GALNTL6: variants seen among roughly 807,000 people sequenced by gnomAD.
The protein encoded by GALNTL6 is polypeptide N-acetylgalactosaminyltransferase like 6.
A neutral mutation model predicts 73.7 loss-of-function variants in GALNTL6; 46 were observed. The ratio of observed to expected loss-of-function variants is 0.62; its 90% CI spans 0.49 to 0.80. The LOEUF (loss-of-function observed/expected upper bound fraction) is 0.80. Ranked by LOEUF, GALNTL6 falls within the 30% of genes least tolerant of loss-of-function variation. The probability of loss-of-function intolerance (pLI) is 0.00; values close to 1 mark genes in which losing one functional copy is unlikely to be tolerated. For synonymous variants in GALNTL6, 259 were observed against 263.7 expected, an observed-to-expected ratio of 0.98 and a Z score of 0.17; for missense variants, 604 against 755.0, an observed-to-expected ratio of 0.80 and a Z score of 2.34.
At chr4:172,861,283 T>G (rs915727107) in intron 7 of GALNTL6, among the ~76,000 whole-genome samples, 7 of 151,720 alleles carry the variant, frequency 4.6e-5, no homozygotes, top group African/African-American at 1.7e-4. Context: ...AAAACTTTGC[T>G]GTGTAAGGGT....
chr4:172,183,794 C>CTTT (rs33972396), intron 2 of GALNTL6, among the ~76,000 whole-genome samples: 24 of 134,624 alleles, frequency 1.8e-4, no homozygotes, highest in South Asian at 9.6e-4. Flanking sequence ...CTGTTGAAGA[C>CTTT]TTTTTTTTTT....
intron 2 of GALNTL6, among the ~76,000 whole-genome samples, chr4:171,969,141 T>C (rs1739486844): frequency 6.6e-6 from 1 of 152,108 alleles, no homozygotes; most frequent in African/African-American, 2.4e-5. Flanking sequence ...GGCCTATCCC[T>C]TGTTCTTAAA....
rs1170038404 is a variant in GALNTL6, at chr4:172,348,550, G to A, written c.414G>A (p.Arg138=). The A allele has an allele frequency of 2.5e-6, 4 of 1,612,624 alleles. No individual in the cohort carries two copies. The highest frequency in any genetic ancestry group is 3.3e-4 in the Middle Eastern group (2 of 6,052). Residue 138 remains arginine, a synonymous_variant, in exon 5 of 13, where the codon AGG becomes AGA. Transcript: ENST00000506823. ...GTAAGCATAAGATGTATCTGGAAAG[G>A]CTGCCAAACACCAGCATCATTATCC... ...ANCKHKMYLE[R]LPNTSIIIPF...
intron 4 of GALNTL6, among the ~76,000 whole-genome samples, chr4:172,343,136 CA>C (rs1467741832): frequency 6.6e-6 from 1 of 151,876 alleles, no homozygotes; most frequent in Non-Finnish European, 1.5e-5. Flanking sequence ...ATAAGTAAAA[CA>C]AAAAACAAAC....
At chr4:171,966,807 G>A (rs564935282) in intron 2 of GALNTL6, among the ~76,000 whole-genome samples, 232 of 152,082 alleles carry the variant, frequency 1.5e-3, no homozygotes, top group African/African-American at 5.2e-3. Context: ...TCCAGCAGTC[G>A]TCACCTCACT....
chr4:172,141,173 G>A (rs115454533), intron 2 of GALNTL6, among the ~76,000 whole-genome samples: 4,301 of 152,096 alleles, frequency 0.028, 185 homozygotes, highest in African/African-American at 0.096. Flanking sequence ...CCTAGAGAGA[G>A]AGCAGAAAAG....
At chr4:172,847,391 A>G (rs914096959) in intron 7 of GALNTL6, among the ~76,000 whole-genome samples, 3 of 152,128 alleles carry the variant, frequency 2.0e-5, no homozygotes, top group African/African-American at 7.2e-5. Flanking sequence ...CCACCCAGGT[A>G]GACAAAGTTA....
At chr4:172,712,851 G>A (rs998617991) in intron 5 of GALNTL6, among the ~76,000 whole-genome samples, 1 of 152,184 alleles carries the variant, frequency 6.6e-6, no homozygotes, top group African/African-American at 2.4e-5. Context: ...GACATATAAA[G>A]TTGAGAACAT....
chr4:172,264,871 G>GA (rs1351466282), intron 3 of GALNTL6, among the ~76,000 whole-genome samples: 1 of 141,094 alleles, frequency 7.1e-6, no homozygotes, highest in Non-Finnish European at 1.5e-5. Flanking sequence ...TTTTTTTCTT[G>GA]AAAAGCTGCA....
intron 5 of GALNTL6, among the ~76,000 whole-genome samples, chr4:172,485,605 TTTA>T (rs973296897): frequency 2.6e-5 from 4 of 152,142 alleles, no homozygotes; most frequent in East Asian, 1.9e-4. Flanking sequence ...TAATCAAATA[TTTA>T]TTATGTGCCT....
At chr4:172,970,441 C>A (rs1056068174) in intron 10 of GALNTL6, among the ~76,000 whole-genome samples, 1 of 152,148 alleles carries the variant, frequency 6.6e-6, no homozygotes, top group Non-Finnish European at 1.5e-5. Flanking sequence ...GACCTCCCCC[C>A]AGGAATGCAA....
chr4:172,983,661 C>T (rs1751170376), intron 10 of GALNTL6, among the ~76,000 whole-genome samples: 1 of 152,146 alleles, frequency 6.6e-6, no homozygotes, highest in Admixed American at 6.5e-5. Context: ...CACCATTGCA[C>T]TCCAGCCTGG....
intron 5 of GALNTL6, among the ~76,000 whole-genome samples, chr4:172,594,059 C>T (rs1737756331): frequency 6.6e-6 from 1 of 152,064 alleles, no homozygotes; most frequent in South Asian, 2.1e-4. Context: ...AGAAATAAGA[C>T]ATTTTGGCTG....
In GALNTL6 at chr4:172,692,509, G is replaced by T. The variant is rs566356018; in HGVS notation, c.554-116852G>T. ...TTTGGACTCAGATACTTTTATTTTT[G>T]AATTATTTTTTAATATTATGTGTGA... On this transcript the variant is annotated intron_variant, in intron 5 of 12. Coordinates refer to ENST00000506823, the MANE Select transcript of GALNTL6 (RefSeq NM_001034845.3). Among the ~76,000 whole-genome samples, 22 of 151,922 alleles carry T rather than the reference G, an allele frequency of 1.4e-4. No homozygotes were observed. In the South Asian group the frequency reaches 4.0e-3, roughly 27 times the overall value.
chr4:172,369,712 G>A (rs1170311591), intron 5 of GALNTL6, among the ~76,000 whole-genome samples: 1 of 152,198 alleles, frequency 6.6e-6, no homozygotes, highest in Non-Finnish European at 1.5e-5. Context: ...TGCTGGCCCA[G>A]GTGCTAAGCC....
At position 172,725,098 on chromosome 4, in the gene GALNTL6, A is replaced by G. The variant is rs571400350; in HGVS notation, c.554-84263A>G. On this transcript the variant is annotated intron_variant, in intron 5 of 12. Transcript: ENST00000506823. The stretch of plus-strand genomic sequence containing the variant: ...AGTACTGAATTAGTTTGGGTCATGA[A>G]TTATTTCTCTATTCCATATAGCATT... 2.0e-5 allele frequency among the ~76,000 whole-genome samples: 3 copies of G among 152,170 alleles called. No homozygotes were observed. In the South Asian group the frequency reaches 6.2e-4, roughly 32 times the overall value.
At chr4:172,374,932 C>G (rs1742972540) in intron 5 of GALNTL6, among the ~76,000 whole-genome samples, 1 of 152,174 alleles carries the variant, frequency 6.6e-6, no homozygotes, top group South Asian at 2.1e-4. Flanking sequence ...CTGCCTTGAT[C>G]TGCTTTAAAT....
intron 10 of GALNTL6, among the ~76,000 whole-genome samples, chr4:172,966,888 C>T (rs1173282234): frequency 1.3e-5 from 2 of 151,526 alleles, no homozygotes; most frequent in South Asian, 2.1e-4. Context: ...GTGACTGTGC[C>T]GCTAAAAGGT....
At chr4:172,873,666 G>C (rs1745053224) in intron 7 of GALNTL6, among the ~76,000 whole-genome samples, 1 of 152,196 alleles carries the variant, frequency 6.6e-6, no homozygotes, top group African/African-American at 2.4e-5. Flanking sequence ...ACCTAGAGGG[G>C]CAAATAAGGT....
Sources: gnomAD v4.1 joint callset for allele counts (sites outside exome capture counted in the v4.1 genomes callset) on GRCh38, gnomAD v4.1.1 for gene constraint, MANE v1.5 for transcripts, NCBI Gene and HGNC (gene_info 2026-07-23, HGNC 2026-07-21) for gene names.